Variants in SGK1 observed in about 807,000 individuals in gnomAD.
The protein encoded by SGK1 is serine/threonine-protein kinase Sgk1.
A neutral mutation model predicts 64.2 loss-of-function variants in SGK1; 26 were observed. The ratio of observed to expected loss-of-function variants is 0.40; its 90% CI spans 0.30 to 0.56. The LOEUF is 0.56. SGK1 is among the 20% of genes least tolerant of loss of function. The pLI is 0.38. For synonymous variants in SGK1, 265 were observed against 239.7 expected, an observed-to-expected ratio of 1.11 and a Z score of -0.98; for missense variants, 519 against 645.6, an observed-to-expected ratio of 0.80 and a Z score of 2.12.
chr6:134,190,509 C>A (rs1407866025), intron 3 of SGK1, among the ~76,000 whole-genome samples: 1 of 152,120 alleles, frequency 6.6e-6, no homozygotes, highest in African/African-American at 2.4e-5. Flanking sequence ...TGGTCTTGAA[C>A]TCCTGGCCTC....
chr6:134,172,482 A>T (rs1471483762), intron 9 of SGK1, 166 bp from the exon 10 acceptor site: 1 of 806,444 alleles, frequency 1.2e-6, no homozygotes, highest in Non-Finnish European at 2.0e-6. Flanking sequence ...TGGATTAGGC[A>T]CAATCCTACT....
intron 1 of SGK1, among the ~76,000 whole-genome samples, chr6:134,283,581 C>G (rs1054464598): frequency 2.0e-5 from 3 of 151,980 alleles, no homozygotes; most frequent in African/African-American, 7.2e-5. Flanking sequence ...GGCACAGTGA[C>G]TCACGCCTGT....
intron 2 of SGK1, among the ~76,000 whole-genome samples, chr6:134,217,340 T>G (rs1375410981): frequency 1.3e-5 from 2 of 152,212 alleles, no homozygotes; most frequent in Non-Finnish European, 2.9e-5. Context: ...AAGCACAGCA[T>G]TCTGTGCTCA....
chr6:134,266,265 G>A (rs1562269222), intron 1 of SGK1, among the ~76,000 whole-genome samples: 1 of 151,990 alleles, frequency 6.6e-6, no homozygotes, highest in Non-Finnish European at 1.5e-5. Flanking sequence ...TAATACAGGC[G>A]TGAGCAACTG....
At position 134,172,732 on chromosome 6, in the gene SGK1, G is replaced by T. The variant is rs999528661; in HGVS notation, c.877C>A (p.Arg293=). 5.0e-6 allele frequency: 8 copies of T among 1,613,992 alleles called. No homozygotes were observed. Among genetic ancestry groups the T allele is most frequent in the Middle Eastern group, 3.3e-4 (2 of 6,084 alleles). ...LQRERCFLEP[R]ARFYAAEIAS... ...ATTTCAGCAGCATAGAAACGAGCCC[G>T]TGGTTCCAGGAAGCAGCGTTCCCTC... Residue 293 remains arginine, a synonymous_variant, in exon 9 of 14, where the codon CGG becomes AGG. Transcript: ENST00000367858.
intron 1 of SGK1, among the ~76,000 whole-genome samples, chr6:134,285,244 A>G (rs1193321620): frequency 2.0e-5 from 3 of 152,116 alleles, no homozygotes; most frequent in Non-Finnish European, 4.4e-5. Context: ...AGATTGCCTG[A>G]GGTCGGCAGA....
chr6:134,313,501 G>T (rs1162726711), intron 1 of SGK1, among the ~76,000 whole-genome samples: 1 of 151,828 alleles, frequency 6.6e-6, no homozygotes, highest in East Asian at 1.9e-4. Context: ...AAAAATGAAT[G>T]AATGAGGCAT....
chr6:134,211,702 G>T (rs951238764), intron 2 of SGK1, among the ~76,000 whole-genome samples: 2 of 151,796 alleles, frequency 1.3e-5, no homozygotes, highest in Non-Finnish European at 2.9e-5. Flanking sequence ...AAAGAAAGAA[G>T]AAGAACAAGA....
intron 1 of SGK1, among the ~76,000 whole-genome samples, chr6:134,284,437 C>G (rs1777146743): frequency 6.6e-6 from 1 of 151,878 alleles, no homozygotes; most frequent in Non-Finnish European, 1.5e-5. Flanking sequence ...GAGCTTAGCT[C>G]ACACTTAGAA....
intron 1 of SGK1, among the ~76,000 whole-genome samples, chr6:134,274,787 G>GTCTTTTCTTTTCTTTTCTTT (rs142632426): frequency 1.7e-4 from 25 of 150,100 alleles, no homozygotes; most frequent in African/African-American, 5.9e-4. Flanking sequence ...TGCCCTTTTA[G>GTCTTTTCTTTTCTTTTCTTT]TCTTTTCTTT....
At chr6:134,204,551 T>C (rs1260915090) in intron 3 of SGK1, among the ~76,000 whole-genome samples, 1 of 130,744 alleles carries the variant, frequency 7.6e-6, no homozygotes, top group East Asian at 2.0e-4. Flanking sequence ...GTTTTTCTTG[T>C]AACTTTTTTT....
At chr6:134,281,036 C>A (rs867461679) in intron 1 of SGK1, among the ~76,000 whole-genome samples, 7 of 152,258 alleles carry the variant, frequency 4.6e-5, no homozygotes, top group Non-Finnish European at 2.9e-5. Context: ...CCATTGCACT[C>A]CAGCCTGGGT....
intron 3 of SGK1, among the ~76,000 whole-genome samples, chr6:134,186,604 A>G (rs910298136): frequency 1.3e-5 from 2 of 152,112 alleles, no homozygotes; most frequent in Middle Eastern, 3.2e-3. Flanking sequence ...CACCCATTCT[A>G]TATTTCCTTT....
At chr6:134,313,344 A>C (rs369940924) in intron 1 of SGK1, among the ~76,000 whole-genome samples, 2 of 152,140 alleles carry the variant, frequency 1.3e-5, no homozygotes, top group Non-Finnish European at 2.9e-5. Flanking sequence ...GTCTCTGCAA[A>C]CAACCAACCA....
At position 134,173,667 on chromosome 6, in the gene SGK1, T is replaced by G. The variant is rs187286299; in HGVS notation, c.514-101A>C. On this transcript the variant is annotated intron_variant, in intron 5 of 13. Coordinates refer to ENST00000367858, the MANE Select transcript of SGK1 (RefSeq NM_001143676.3). The stretch of plus-strand genomic sequence containing the variant: ...AAATGTTACATCTACAAATGACTGA[T>G]GCAAATGACCATACATCTATAAACA... The G allele has an allele frequency of 5.1e-5, 39 of 770,938 alleles. No homozygotes were observed. The Admixed American group carries it at 5.8e-4, about 12-fold the overall frequency. 47.8% of individuals were successfully genotyped at this position (770,938 alleles called of 1,614,324 possible). A position where few individuals can be genotyped will look rare whatever the true frequency, so the allele number is the denominator to read the frequency against.
At chr6:134,227,509 A>T (rs1429007090) in intron 2 of SGK1, among the ~76,000 whole-genome samples, 2 of 152,210 alleles carry the variant, frequency 1.3e-5, no homozygotes, top group Admixed American at 1.3e-4. Context: ...CTCACTCAGG[A>T]CAGAAAAGTG....
At chr6:134,232,117 G>A (rs935730444) in intron 2 of SGK1, among the ~76,000 whole-genome samples, 4 of 151,784 alleles carry the variant, frequency 2.6e-5, no homozygotes, top group South Asian at 2.1e-4. Flanking sequence ...AGCTGGGCAC[G>A]GTGGCTCACG....
At chr6:134,190,672 G>A (rs1049652305) in intron 3 of SGK1, among the ~76,000 whole-genome samples, 4 of 151,994 alleles carry the variant, frequency 2.6e-5, no homozygotes, top group South Asian at 2.1e-4. Flanking sequence ...ATTTTCTTGA[G>A]GATTATAGGT....
At chr6:134,241,632 A>T (rs949934445) in intron 2 of SGK1, among the ~76,000 whole-genome samples, 7 of 150,434 alleles carry the variant, frequency 4.7e-5, no homozygotes, top group Non-Finnish European at 1.0e-4. Flanking sequence ...TTATTTATTT[A>T]TTTTTTGAGA....
Sources: gnomAD v4.1 joint callset for allele counts (sites outside exome capture counted in the v4.1 genomes callset) on GRCh38, gnomAD v4.1.1 for gene constraint, MANE v1.5 for transcripts, NCBI Gene and HGNC (gene_info 2026-07-23, HGNC 2026-07-21) for gene names.